THSD4: variants seen among roughly 807,000 people sequenced by gnomAD.
THSD4 encodes the protein thrombospondin type-1 domain-containing protein 4.
A neutral mutation model predicts 119.0 loss-of-function variants in THSD4; 69 were observed. That is an observed-to-expected ratio of 0.58 (90% CI 0.48 to 0.71). The LOEUF (loss-of-function observed/expected upper bound fraction) is 0.71. Ranked by LOEUF, THSD4 falls within the 30% of genes least tolerant of loss-of-function variation. The pLI is 0.00. For synonymous variants in THSD4, 524 were observed against 540.4 expected (o/e 0.97, Z 0.42); for missense variants, 1,393 against 1,391.1 (o/e 1.00, Z -0.02).
rs1215547880 is a variant in THSD4 at position 71,441,397 on chromosome 15, A to ATTTTTTTTTTTT, written c.1152+29584_1152+29595dup. Among the ~76,000 whole-genome samples, 32 of 73,354 alleles carry ATTTTTTTTTTTT rather than the reference A, an allele frequency of 4.4e-4. 3 individuals carry two copies. The East Asian group carries it at 6.9e-3, about 16-fold the overall frequency. 48.1% of individuals were successfully genotyped at this position (73,354 alleles called of 152,430 possible). A position where few individuals can be genotyped will look rare whatever the true frequency, so the allele number is the denominator to read the frequency against. On this transcript the variant is annotated intron_variant, in intron 7 of 17. Transcript: ENST00000261862. ...GTCCTTGGAGAGTTTCACCTGTAGA[A>ATTTTTTTTTTTT]TTTTTTTTTTTTTTTTTTTTTGAGA...
chr15:71,215,318 A>G lies in THSD4; in HGVS notation c.383A>G (p.Asp128Gly). Residue 128 changes from aspartate (D) to glycine (G), a missense_variant, in exon 4 of 18, where the codon GAC becomes GGC. Physicochemically the swap from Asp to Gly is moderately conservative, Grantham distance 94. Transcript: ENST00000261862. The stretch of plus-strand genomic sequence containing the variant: ...GAGACGCCAGCGCTGGCCGGTACGG[A>G]CGCCAGCCGCCAGGGCCCCACGGTG... ...RDETPALAGTDASRQGPTVLR... is the reference protein window; with the variant it reads ...RDETPALAGTGASRQGPTVLR... 1 of 1,529,630 alleles carries G rather than the reference A, an allele frequency of 6.5e-7. No individual in the cohort carries two copies. The highest frequency in any genetic ancestry group is 1.4e-5 in the African/African-American group (1 of 72,448). The allele number at this position is 1,529,630 out of a possible 1,614,324, so 94.8% of individuals were successfully genotyped here. A position where few individuals can be genotyped will look rare whatever the true frequency, so the allele number is the denominator to read the frequency against.
At chr15:71,151,191 A>G (rs2040719296) in intron 2 of THSD4, among the ~76,000 whole-genome samples, 1 of 152,170 alleles carries the variant, frequency 6.6e-6, no homozygotes, top group Non-Finnish European at 1.5e-5. Context: ...CCTGGAATGC[A>G]GTTCCTCGGA....
intron 3 of THSD4, among the ~76,000 whole-genome samples, chr15:71,210,568 G>C (rs2043880489): frequency 6.6e-6 from 1 of 151,982 alleles, no homozygotes; most frequent in South Asian, 2.1e-4. Context: ...TAGTTGCCAA[G>C]GTCAGAAAAC....
At chr15:71,156,380 C>G (rs1484167379) in intron 3 of THSD4, among the ~76,000 whole-genome samples, 2 of 151,996 alleles carry the variant, frequency 1.3e-5, no homozygotes, top group Non-Finnish European at 2.9e-5. Context: ...GCCTCATCCT[C>G]CCAAGTAGCT....
chr15:71,327,281 T>C (rs1222655362), intron 6 of THSD4, among the ~76,000 whole-genome samples: 1 of 152,156 alleles, frequency 6.6e-6, no homozygotes, highest in African/African-American at 2.4e-5. Context: ...ATTCCCATAG[T>C]TATGGAGGGG....
intron 6 of THSD4, among the ~76,000 whole-genome samples, chr15:71,368,286 G>T (rs985187716): frequency 0.015 from 2,224 of 152,186 alleles, 33 homozygotes; most frequent in Non-Finnish European, 0.018. Context: ...CTCTTTAGTT[G>T]AATTAGATCC....
intron 7 of THSD4, among the ~76,000 whole-genome samples, chr15:71,474,513 G>A (rs1012858400): frequency 3.9e-5 from 6 of 152,118 alleles, no homozygotes; most frequent in African/African-American, 9.7e-5. Context: ...AAGCCACCGC[G>A]CCTGGCCTTC....
In THSD4 at chr15:71,728,591, G is replaced by A. The variant is rs779081989; in HGVS notation, c.1400G>A (p.Trp467Ter). The A allele has an allele frequency of 6.2e-7, 1 of 1,614,054 alleles. No homozygotes were observed. Among genetic ancestry groups the A allele is most frequent in the East Asian group, 2.2e-5 (1 of 44,896 alleles). Residue 467 changes from tryptophan to a stop codon, truncating the protein, a stop_gained, in exon 9 of 18, where the codon TGG becomes TAG. Coordinates refer to ENST00000261862, the MANE Select transcript of THSD4 (RefSeq NM_024817.3). LOFTEE classifies it high-confidence loss of function. ...GGACGCTCCATCATCAATGGGAACT[G>A]GGCAATTGATCGACCAGGAAAATAC... ...RSGRSIINGNWAIDRPGKYEG... is the reference protein window; with the variant it reads ...RSGRSIINGN
At chr15:71,414,990 G>A (rs996020601) in intron 7 of THSD4, among the ~76,000 whole-genome samples, 11 of 152,208 alleles carry the variant, frequency 7.2e-5, no homozygotes, top group Non-Finnish European at 1.6e-4. Flanking sequence ...AGCTTTCAAA[G>A]GGTAAAGTGT....
chr15:71,717,090 A>C (rs1164191225), intron 8 of THSD4, among the ~76,000 whole-genome samples: 1 of 152,226 alleles, frequency 6.6e-6, no homozygotes, highest in South Asian at 2.1e-4. Flanking sequence ...CTGATAAGAT[A>C]CTTTTCCTCT....
chr15:71,686,410 G>A (rs2051911079), intron 8 of THSD4, among the ~76,000 whole-genome samples: 1 of 152,162 alleles, frequency 6.6e-6, no homozygotes, highest in Non-Finnish European at 1.5e-5. Context: ...CTGAATCAGG[G>A]CTATACAGTT....
At chr15:71,355,517 TGA>T (rs2045798107) in intron 6 of THSD4, among the ~76,000 whole-genome samples, 1 of 152,194 alleles carries the variant, frequency 6.6e-6, no homozygotes. Context: ...CTTGTTTTCA[TGA>T]CAAGTGTGGA....
chr15:71,387,898 G>C (rs1455955256), intron 6 of THSD4, among the ~76,000 whole-genome samples: 1 of 152,088 alleles, frequency 6.6e-6, no homozygotes, highest in Non-Finnish European at 1.5e-5. Context: ...TTGGCCAGGG[G>C]ACCTCTTGCT....
intron 7 of THSD4, among the ~76,000 whole-genome samples, chr15:71,519,562 G>A (rs561475389): frequency 1.4e-3 from 214 of 152,224 alleles, no homozygotes; most frequent in African/African-American, 4.7e-3. Context: ...GTGTTTCACC[G>A]TGTTGGCCAG....
chr15:71,477,077 A>T (rs1014114688), intron 7 of THSD4, among the ~76,000 whole-genome samples: 6 of 152,234 alleles, frequency 3.9e-5, no homozygotes, highest in African/African-American at 1.2e-4. Context: ...CAAGGTAAAC[A>T]TACAGATAAT....
intron 6 of THSD4, among the ~76,000 whole-genome samples, chr15:71,319,813 G>A (rs550282235): frequency 6.6e-6 from 1 of 152,298 alleles, no homozygotes; most frequent in East Asian, 1.9e-4. Context: ...GGCCCTGAAT[G>A]TGAGTTTTGC....
chr15:71,315,926 A>G (rs1342407261), intron 6 of THSD4, among the ~76,000 whole-genome samples: 1 of 152,222 alleles, frequency 6.6e-6, no homozygotes, highest in Non-Finnish European at 1.5e-5. Context: ...ATAACAAATG[A>G]CTATATATAT....
chr15:71,644,878 G>A (rs1260105647), intron 7 of THSD4, among the ~76,000 whole-genome samples: 1 of 151,852 alleles, frequency 6.6e-6, no homozygotes, highest in East Asian at 2.0e-4. Flanking sequence ...CAGGGGTAAT[G>A]CCTTGGTTAG....
intron 1 of THSD4, among the ~76,000 whole-genome samples, chr15:71,126,938 G>A (rs2040460986): frequency 1.3e-5 from 2 of 152,126 alleles, no homozygotes; most frequent in African/African-American, 2.4e-5. Context: ...TTTTTGTAGT[G>A]AGAATATCTG....
Sources: allele counts gnomAD v4.1 joint callset (sites outside exome capture counted in the v4.1 genomes callset), GRCh38; gene constraint gnomAD v4.1.1; transcripts MANE v1.5; gene names NCBI Gene and HGNC (gene_info 2026-07-23, HGNC 2026-07-21).